The following SLC7A5 variants were observed in gnomAD, a reference collection of about 807,000 sequenced individuals.
SLC7A5 encodes the protein large neutral amino acids transporter small subunit 1.
Under a neutral mutation model 50.2 loss-of-function variants are expected in SLC7A5, and 23 were observed. The observed-to-expected ratio is 0.46, with a 90% CI of 0.33 to 0.65. The LOEUF (loss-of-function observed/expected upper bound fraction) is 0.65, where lower values mean the gene tolerates loss of function less well. Ranked by LOEUF, SLC7A5 falls within the 30% of genes least tolerant of loss-of-function variation. SLC7A5 has a pLI of 0.02. For missense variants in SLC7A5, 578 were observed against 684.4 expected, an observed-to-expected ratio of 0.84 and a Z score of 1.73; for synonymous variants, 393 against 330.6, an observed-to-expected ratio of 1.19 and a Z score of -2.05.
intron 2 of SLC7A5, among the ~76,000 whole-genome samples, 194 bp downstream of exon 2, chr16:87,851,530 C>A (rs1188346908): frequency 2.0e-5 from 3 of 152,238 alleles, no homozygotes; most frequent in Admixed American, 2.0e-4. Context: ...CGCTGTCCCA[C>A]GGGAGCACTC....
intron 1 of SLC7A5, among the ~76,000 whole-genome samples, chr16:87,865,890 G>C (rs764743214): frequency 1.3e-4 from 20 of 152,218 alleles, no homozygotes; most frequent in Admixed American, 2.6e-4. Flanking sequence ...GGGAGGCTGA[G>C]GCACATGCCT....
At chr16:87,838,839 G>A in intron 5 of SLC7A5, 22 bp from the exon 6 acceptor site, 3 of 1,591,684 alleles carry the variant, frequency 1.9e-6, no homozygotes, top group Non-Finnish European at 1.7e-6. Flanking sequence ...CAACCAGTGA[G>A]CTGGGCCCCA....
Position 87,861,546 on chromosome 16 carries a change from G to A in SLC7A5, c.538+7339C>T, listed in dbSNP as rs1345325113. Among the ~76,000 whole-genome samples the A allele has an allele frequency of 6.6e-6, 1 of 152,170 alleles. No individual in the cohort carries two copies. Among genetic ancestry groups the A allele is most frequent in the Non-Finnish European group, 1.5e-5 (1 of 68,026 alleles). On this transcript the variant is annotated intron_variant, in intron 1 of 9. Transcript: ENST00000261622. This position sits in a 1 kb window ranked among gnomAD's most constrained non-coding sequence, Gnocchi z 4.2. ...ATTGGGGATTATCACTGGCTTCAAA[G>A]GCTGGAGTGCAAAGTGGTGGCCAAG...
intron 5 of SLC7A5, among the ~76,000 whole-genome samples, chr16:87,839,168 A>G (rs2055052023): frequency 6.6e-6 from 1 of 152,164 alleles, no homozygotes; most frequent in Non-Finnish European, 1.5e-5. Flanking sequence ...TGGGAGTCAG[A>G]GCTTGTTCAG....
rs895913266 is a variant in SLC7A5, at chr16:87,833,939, C to T, written c.1468+475G>A. On this transcript the variant is annotated intron_variant, in intron 9 of 9. Coordinates refer to ENST00000261622, the MANE Select transcript of SLC7A5 (RefSeq NM_003486.7). This position sits in a 1 kb window ranked among gnomAD's most constrained non-coding sequence, Gnocchi z 6.0. The stretch of plus-strand genomic sequence containing the variant: ...TGCGATCTCGGCTCACTGCAACCTC[C>T]GTCTCCCGGGTTCAAGTGATTCTCC... 4.1e-4 allele frequency among the ~76,000 whole-genome samples: 62 copies of T among 151,852 alleles called. No individual in the cohort carries two copies. Among genetic ancestry groups the T allele is most frequent in the South Asian group, 2.7e-3 (13 of 4,802 alleles).
intron 1 of SLC7A5, among the ~76,000 whole-genome samples, chr16:87,867,837 C>A (rs1435156226): frequency 1.3e-5 from 2 of 152,226 alleles, no homozygotes; most frequent in East Asian, 1.9e-4. Context: ...ATTTTGAGGC[C>A]GGGCACGGTG....
At chr16:87,848,519 A>G (rs1218665831) in intron 2 of SLC7A5, among the ~76,000 whole-genome samples, 1 of 152,228 alleles carries the variant, frequency 6.6e-6, no homozygotes, top group African/African-American at 2.4e-5. Flanking sequence ...GACTAACTGT[A>G]GAACCTCATG....
chr16:87,855,385 G>C (rs183317329), intron 1 of SLC7A5, among the ~76,000 whole-genome samples: 1 of 152,000 alleles, frequency 6.6e-6, no homozygotes, highest in Non-Finnish European at 1.5e-5. Context: ...GGTGCATACT[G>C]CTGGCTGGGC....
chr16:87,863,603 G>A (rs1253917643), intron 1 of SLC7A5: 1 of 152,090 alleles, frequency 6.6e-6, no homozygotes, highest in Non-Finnish European at 1.5e-5. Context: ...TATGACCAGT[G>A]AAAAGCGCAC....
At chr16:87,845,559 C>A (rs2055143126) in intron 2 of SLC7A5, among the ~76,000 whole-genome samples, 1 of 151,874 alleles carries the variant, frequency 6.6e-6, no homozygotes, top group Admixed American at 6.6e-5. Flanking sequence ...CACGCCCACC[C>A]TAGGCCACGG....
chr16:87,857,256 CTT>C (rs571322790), intron 1 of SLC7A5, among the ~76,000 whole-genome samples: 26 of 151,732 alleles, frequency 1.7e-4, no homozygotes, highest in Admixed American at 6.5e-4. Flanking sequence ...AAGTCTCGCT[CTT>C]GTCGCCCAGG....
intron 1 of SLC7A5, among the ~76,000 whole-genome samples, chr16:87,859,405 C>A (rs57456556): frequency 6.6e-6 from 1 of 152,076 alleles, no homozygotes; most frequent in Admixed American, 6.5e-5. Context: ...AGGGACAAAG[C>A]TGGACTGGCC....
chr16:87,859,125 C>A (rs1213540058), intron 1 of SLC7A5, among the ~76,000 whole-genome samples: 2 of 152,230 alleles, frequency 1.3e-5, no homozygotes, highest in Non-Finnish European at 2.9e-5. Flanking sequence ...ACCCACGTCA[C>A]CCCAGGCTTC....
chr16:87,837,655 A>G, intron 7 of SLC7A5, 190 bp downstream of exon 7: 2 of 585,314 alleles, frequency 3.4e-6, no homozygotes. Context: ...GCCACCATAT[A>G]TTATTTTTGG....
chr16:87,867,385 C>A (rs72814377), intron 1 of SLC7A5, among the ~76,000 whole-genome samples: 27,473 of 152,190 alleles, frequency 0.18, 2,684 homozygotes, highest in South Asian at 0.26. Flanking sequence ...ACATCTCCAA[C>A]GCCCAGCTGG....
At chr16:87,848,072 C>T (rs761291100) in intron 2 of SLC7A5, among the ~76,000 whole-genome samples, 15 of 152,352 alleles carry the variant, frequency 9.8e-5, no homozygotes, top group Non-Finnish European at 1.9e-4. Context: ...TGAAGGACAG[C>T]AAGAGGCACG....
At position 87,860,950 on chromosome 16, in the gene SLC7A5, C is replaced by A. The variant is rs143507089; in HGVS notation, c.538+7935G>T. ...AGGCACGCACGTGCTGTGGCCACCCCGGAGGGTCCGCCTTCCAGAGGGAGA... is the reference window on the plus strand; with the variant it reads ...AGGCACGCACGTGCTGTGGCCACCCAGGAGGGTCCGCCTTCCAGAGGGAGA... On this transcript the variant is annotated intron_variant, in intron 1 of 9. Coordinates refer to ENST00000261622, the MANE Select transcript of SLC7A5 (RefSeq NM_003486.7). This position sits in a 1 kb window ranked among gnomAD's most constrained non-coding sequence, Gnocchi z 4.8. Among the ~76,000 whole-genome samples the A allele has an allele frequency of 6.6e-6, 1 of 152,206 alleles. No homozygotes were observed. The highest frequency in any genetic ancestry group is 1.5e-5 in the Non-Finnish European group (1 of 68,034).
chr16:87,868,357 C>A (rs1436589506), intron 1 of SLC7A5, among the ~76,000 whole-genome samples: 10 of 152,142 alleles, frequency 6.6e-5, no homozygotes, highest in Admixed American at 4.6e-4. Flanking sequence ...AAATCAGCAC[C>A]AGTCACTACC....
intron 6 of SLC7A5, 23 bp downstream of exon 6, chr16:87,838,691 G>A (rs1200163035): frequency 3.2e-6 from 5 of 1,579,334 alleles, no homozygotes; most frequent in Non-Finnish European, 4.4e-6. Flanking sequence ...TCCCTCACCT[G>A]TGGTGGGTCG....
Sources: allele counts gnomAD v4.1 joint callset (sites outside exome capture counted in the v4.1 genomes callset), GRCh38; gene constraint gnomAD v4.1.1; non-coding constraint Gnocchi (gnomAD v3.1); transcripts MANE v1.5; gene names NCBI Gene and HGNC (gene_info 2026-07-23, HGNC 2026-07-21).